Variants in GRIA1 observed in about 807,000 individuals in gnomAD.
The protein encoded by GRIA1 is glutamate ionotropic receptor AMPA type subunit 1.
In GRIA1, 31 loss-of-function variants were observed where a neutral mutation model predicts 99.2. The observed-to-expected ratio is 0.31, with a 90% CI of 0.23 to 0.42. The LOEUF (loss-of-function observed/expected upper bound fraction) is 0.42, where lower values mean the gene tolerates loss of function less well. Ranked by LOEUF, GRIA1 falls within the 10% of genes least tolerant of loss-of-function variation. The probability of loss-of-function intolerance (pLI) is 1.00; values close to 1 mark genes in which losing one functional copy is unlikely to be tolerated. For missense variants in GRIA1, 782 were observed against 1,157.5 expected (o/e 0.68, Z 4.71); for synonymous variants, 438 against 432.4 (o/e 1.01, Z -0.16).
intron 3 of GRIA1, among the ~76,000 whole-genome samples, chr5:153,647,701 A>G (rs1754260795): frequency 6.6e-6 from 1 of 152,160 alleles, no homozygotes; most frequent in South Asian, 2.1e-4. Context: ...TCTGTTTTAG[A>G]TGTTATCATC....
At chr5:153,582,922 A>C (rs944552529) in intron 2 of GRIA1, among the ~76,000 whole-genome samples, 2 of 152,028 alleles carry the variant, frequency 1.3e-5, no homozygotes, top group African/African-American at 4.8e-5. Flanking sequence ...TGAGCCTCCC[A>C]AGTAACCAGG....
intron 11 of GRIA1, among the ~76,000 whole-genome samples, chr5:153,751,925 A>G (rs545490131): frequency 6.6e-6 from 1 of 152,330 alleles, no homozygotes; most frequent in African/African-American, 2.4e-5. Flanking sequence ...TGAACTGTCC[A>G]TTGAGCATCT....
rs531528781 is a variant in GRIA1, at chr5:153,810,175, T to C, written c.2521-850T>C. On this transcript the variant is annotated intron_variant, in intron 15 of 15. Coordinates refer to ENST00000285900, the MANE Select transcript of GRIA1 (RefSeq NM_000827.4). ...TTCTGGGGTGATCCTTGGAGTCCTT[T>C]TCAGACCTAGAATTCCAACATTCTA... 3.9e-5 allele frequency among the ~76,000 whole-genome samples: 6 copies of C among 152,308 alleles called. No homozygotes were observed. The East Asian group carries it at 7.7e-4, about 20-fold the overall frequency.
At chr5:153,584,255 A>G (rs1015994792) in intron 2 of GRIA1, among the ~76,000 whole-genome samples, 1 of 152,220 alleles carries the variant, frequency 6.6e-6, no homozygotes, top group Admixed American at 6.5e-5. Flanking sequence ...TTCCTCATCC[A>G]TCACTTACCC....
rs561616181 is a variant in GRIA1 at position 153,627,360 on chromosome 5, G to A, written c.221-19568G>A. Among the ~76,000 whole-genome samples the A allele has an allele frequency of 1.2e-4, 19 of 152,282 alleles. No individual in the cohort carries two copies. In the South Asian group the frequency reaches 1.5e-3, roughly 12 times the overall value. ...TAACTTGCCCAAGGGACGAAGCACC[G>A]TTTTGAATCTGGCTTGTCCACCATC... On this transcript the variant is annotated intron_variant, in intron 2 of 15. Coordinates refer to ENST00000285900, the MANE Select transcript of GRIA1 (RefSeq NM_000827.4).
chr5:153,640,592 G>A (rs747461884), intron 2 of GRIA1, among the ~76,000 whole-genome samples: 9 of 152,156 alleles, frequency 5.9e-5, no homozygotes, highest in African/African-American at 1.9e-4. Context: ...CACTGTGCCC[G>A]GCCTCTGCTA....
intron 13 of GRIA1, among the ~76,000 whole-genome samples, chr5:153,780,450 T>C (rs1433586508): frequency 6.6e-6 from 1 of 152,216 alleles, no homozygotes; most frequent in African/African-American, 2.4e-5. Context: ...CTTGGACAAG[T>C]GACTTCATCT....
intron 11 of GRIA1, among the ~76,000 whole-genome samples, chr5:153,734,524 T>A (rs541155984): frequency 6.6e-6 from 1 of 152,316 alleles, no homozygotes; most frequent in East Asian, 1.9e-4. Context: ...CATATAGTTA[T>A]GTAAATGCTC....
chr5:153,596,035 A>AC (rs1764404785), intron 2 of GRIA1, among the ~76,000 whole-genome samples: 1 of 151,708 alleles, frequency 6.6e-6, no homozygotes, highest in Admixed American at 6.6e-5. Flanking sequence ...CAATAAAAAA[A>AC]AAAACAGGTC....
intron 2 of GRIA1, among the ~76,000 whole-genome samples, chr5:153,615,123 C>CGGAA (rs1766366236): frequency 1.3e-5 from 2 of 152,164 alleles, no homozygotes; most frequent in African/African-American, 4.8e-5. Flanking sequence ...TTCAGTTGTT[C>CGGAA]CATGGCATGT....
intron 2 of GRIA1, among the ~76,000 whole-genome samples, chr5:153,601,281 T>G (rs1410487168): frequency 6.6e-6 from 1 of 152,240 alleles, no homozygotes; most frequent in Non-Finnish European, 1.5e-5. Flanking sequence ...AACTCATAAG[T>G]GGTAAATATT....
chr5:153,490,905 C>T lies in GRIA1; in HGVS notation c.17C>T (p.Ala6Val). MQHIF[A>V]FFCTGFLGAV... ...AAAAGGAATATGCAGCACATTTTTGCCTTCTTCTGCACCGGTTTCCTAGGC... is the reference window on the plus strand; with the variant it reads ...AAAAGGAATATGCAGCACATTTTTGTCTTCTTCTGCACCGGTTTCCTAGGC... The change falls in exon 1 of 16, where the codon GCC becomes GTC. Residue 6 changes from alanine to valine, a missense_variant. Coordinates refer to ENST00000285900, the MANE Select transcript of GRIA1 (RefSeq NM_000827.4). 1.9e-6 allele frequency: 3 copies of T among 1,613,978 alleles called. No homozygotes were observed. The highest frequency in any genetic ancestry group is 2.5e-6 in the Non-Finnish European group (3 of 1,179,908).
intron 11 of GRIA1, among the ~76,000 whole-genome samples, chr5:153,753,700 A>G (rs1267195556): frequency 3.0e-5 from 1 of 33,540 alleles, no homozygotes; most frequent in African/African-American, 1.1e-4. Context: ...ATTCTGCAGG[A>G]AAAAAAAAAA....
chr5:153,652,406 A>C (rs940420027), intron 4 of GRIA1, among the ~76,000 whole-genome samples: 2 of 152,188 alleles, frequency 1.3e-5, no homozygotes, highest in African/African-American at 2.4e-5. Context: ...CTTCATTCCC[A>C]CATCAACTTT....
chr5:153,709,585 C>G (rs1759163628), intron 11 of GRIA1, among the ~76,000 whole-genome samples: 1 of 152,128 alleles, frequency 6.6e-6, no homozygotes, highest in African/African-American at 2.4e-5. Context: ...AAAGTGGTAG[C>G]AGGTAGTGGC....
intron 2 of GRIA1, among the ~76,000 whole-genome samples, chr5:153,503,643 G>T (rs967240881): frequency 6.6e-6 from 1 of 152,154 alleles, no homozygotes; most frequent in African/African-American, 2.4e-5. Context: ...TAAATATATA[G>T]CTATGCTAAG....
chr5:153,688,169 G>C (rs1757470901), intron 8 of GRIA1, among the ~76,000 whole-genome samples: 1 of 152,070 alleles, frequency 6.6e-6, no homozygotes, highest in Non-Finnish European at 1.5e-5. Context: ...ATCTCTGACT[G>C]GAAGATCTCC....
At chr5:153,696,392 A>G (rs1029574173) in intron 8 of GRIA1, among the ~76,000 whole-genome samples, 1 of 152,202 alleles carries the variant, frequency 6.6e-6, no homozygotes, top group African/African-American at 2.4e-5. Flanking sequence ...CAGCCTCTGG[A>G]GAGAGATTGT....
chr5:153,803,849 C>A (rs991183810), intron 15 of GRIA1, among the ~76,000 whole-genome samples: 1 of 152,108 alleles, frequency 6.6e-6, no homozygotes, highest in East Asian at 1.9e-4. Flanking sequence ...GACCCTCAAT[C>A]CTACACACAC....
Sources: allele counts gnomAD v4.1 joint callset (sites outside exome capture counted in the v4.1 genomes callset), GRCh38; gene constraint gnomAD v4.1.1; transcripts MANE v1.5; gene names NCBI Gene and HGNC (gene_info 2026-07-23, HGNC 2026-07-21).